C3orf70: variants seen among roughly 807,000 people sequenced by gnomAD.
The protein encoded by C3orf70 is UPF0524 protein C3orf70.
C3orf70 carries 15 observed loss-of-function variants against 20.7 expected under a neutral mutation model. The ratio of observed to expected loss-of-function variants is 0.72; its 90% CI spans 0.48 to 1.11. C3orf70 has a LOEUF of 1.11. C3orf70 is among the 50% of genes most tolerant of loss of function. C3orf70 has a pLI of 0.00. For synonymous variants in C3orf70, 161 were observed against 125.7 expected, an observed-to-expected ratio of 1.28 and a Z score of -1.88; for missense variants, 332 against 317.6, an observed-to-expected ratio of 1.05 and a Z score of -0.34.
At chr3:185,139,649 C>T (rs1165624347) in intron 1 of C3orf70, among the ~76,000 whole-genome samples, 1 of 151,604 alleles carries the variant, frequency 6.6e-6, no homozygotes, top group Non-Finnish European at 1.5e-5. Flanking sequence ...GACATGAAGA[C>T]CAGAGGGACA....
In C3orf70 at chr3:185,104,385, A is replaced by T. The variant is rs535706140; in HGVS notation, c.197-20822T>A. On this transcript the variant is annotated intron_variant, in intron 1 of 1. Coordinates refer to ENST00000335012, the MANE Select transcript of C3orf70 (RefSeq NM_001025266.3). Reference sequence around the variant, plus strand: ...TTATACACTGTTGGTGGGAGTGTAAATTAGTTCAATCATTGTGGAAAACTG... The same window carrying T: ...TTATACACTGTTGGTGGGAGTGTAATTTAGTTCAATCATTGTGGAAAACTG... Among the ~76,000 whole-genome samples the T allele has an allele frequency of 5.3e-5, 8 of 152,350 alleles. No homozygotes were observed. In the South Asian group the frequency reaches 1.4e-3, roughly 28 times the overall value.
intron 1 of C3orf70, among the ~76,000 whole-genome samples, chr3:185,140,667 A>AG (rs937979523): frequency 4.0e-5 from 6 of 151,804 alleles, no homozygotes; most frequent in African/African-American, 4.8e-5. Context: ...AAAAGACGCC[A>AG]GGGCCAGGCG....
intron 1 of C3orf70, among the ~76,000 whole-genome samples, chr3:185,130,266 C>G (rs1160258392): frequency 6.6e-6 from 1 of 152,036 alleles, no homozygotes; most frequent in Non-Finnish European, 1.5e-5. Flanking sequence ...CTGGCTAACA[C>G]AGTGAAACCC....
intron 1 of C3orf70, among the ~76,000 whole-genome samples, chr3:185,126,385 A>C (rs1440406460): frequency 2.6e-5 from 4 of 152,198 alleles, no homozygotes; most frequent in Admixed American, 2.0e-4. Context: ...TGTCAGTCAC[A>C]GACTGAAGGA....
chr3:185,127,928 AT>A (rs1409696053), intron 1 of C3orf70, among the ~76,000 whole-genome samples: 1 of 152,174 alleles, frequency 6.6e-6, no homozygotes, highest in Non-Finnish European at 1.5e-5. Context: ...AACAGCTTCA[AT>A]TTTTTCATTA....
At chr3:185,103,523 T>C (rs1295666963) in intron 1 of C3orf70, among the ~76,000 whole-genome samples, 1 of 149,504 alleles carries the variant, frequency 6.7e-6, no homozygotes. Flanking sequence ...CATTAAAAAG[T>C]GGGCAAAAAA....
intron 1 of C3orf70, among the ~76,000 whole-genome samples, chr3:185,145,755 TAGTAAC>T (rs1181153867): frequency 6.6e-6 from 1 of 152,216 alleles, no homozygotes; most frequent in Non-Finnish European, 1.5e-5. Flanking sequence ...AAAATGAAGA[TAGTAAC>T]AGTACCTACT....
At chr3:185,088,340 T>C (rs73885672) in intron 1 of C3orf70, among the ~76,000 whole-genome samples, 3,685 of 152,250 alleles carry the variant, frequency 0.024, 124 homozygotes, top group African/African-American at 0.083. Context: ...AAAAGGGGTG[T>C]GGCTACATAA....
In C3orf70 at chr3:185,083,023, A is replaced by G. The variant is rs1326730299; in HGVS notation, c.737T>C (p.Ile246Thr). 1.2e-6 allele frequency: 2 copies of G among 1,613,292 alleles called. No individual in the cohort carries two copies. The highest frequency in any genetic ancestry group is 1.7e-6 in the Non-Finnish European group (2 of 1,179,588). The change falls in exon 2 of 2, where the codon ATA becomes ACA. Residue 246 changes from isoleucine to threonine, a missense_variant. Ile to Thr is a moderately conservative substitution (Grantham distance 89). Transcript: ENST00000335012. ...SQSDLEVIETIETTV is the reference protein window; with the variant it reads ...SQSDLEVIETTETTV ...TCTGGACTCTCACACAGTCGTTTCT[A>G]TCGTTTCAATCACTTCCAGGTCAGA...
chr3:185,125,690 C>T (rs1346716042), intron 1 of C3orf70, among the ~76,000 whole-genome samples: 4 of 152,088 alleles, frequency 2.6e-5, no homozygotes, highest in Non-Finnish European at 1.5e-5. Flanking sequence ...CTGATATACT[C>T]GACAGCAGGG....
At chr3:185,100,749 G>C (rs1480058950) in intron 1 of C3orf70, among the ~76,000 whole-genome samples, 1 of 151,080 alleles carries the variant, frequency 6.6e-6, no homozygotes, top group Non-Finnish European at 1.5e-5. Flanking sequence ...AATGGGTCCT[G>C]GAGTTGGTTT....
intron 1 of C3orf70, among the ~76,000 whole-genome samples, chr3:185,091,945 ATATATATATATATATATATTTTTTT>A (rs1561330913): frequency 0.05 from 342 of 6,906 alleles, 28 homozygotes; most frequent in Admixed American, 0.08. Flanking sequence ...ATATATATAT[ATATATATATATATATATATTTTTTT>A]TTTTTTTTAG....
intron 1 of C3orf70, among the ~76,000 whole-genome samples, chr3:185,150,762 A>T (rs1167595480): frequency 6.6e-6 from 1 of 152,196 alleles, no homozygotes; most frequent in African/African-American, 2.4e-5. Flanking sequence ...TCTTCAAAGG[A>T]TCAAAACCAC....
intron 1 of C3orf70, among the ~76,000 whole-genome samples, chr3:185,098,143 C>T (rs73885688): frequency 0.015 from 2,283 of 152,252 alleles, 52 homozygotes; most frequent in African/African-American, 0.046. Context: ...CTGCCAGAGA[C>T]GCCAGCCCCA....
chr3:185,086,808 A>C (rs1167497563), intron 1 of C3orf70, among the ~76,000 whole-genome samples: 1 of 152,206 alleles, frequency 6.6e-6, no homozygotes, highest in African/African-American at 2.4e-5. Flanking sequence ...AAAGAAAGAG[A>C]GGAGGAAAAT....
Position 185,083,390 on chromosome 3 carries a change from A to C in C3orf70, c.370T>G (p.Cys124Gly), listed in dbSNP as rs1044877435. Residue 124 changes from cysteine (C) to glycine (G), a missense_variant, in exon 2 of 2, where the codon TGT (cysteine) becomes GGT (glycine). Transcript: ENST00000335012. ...PPLPPDSPRY[C>G]MISDLFIDNY... ...TCAATAAAAAGGTCTGAAATCATAC[A>C]GTACCTCGGTGAGTCAGGGGGAAGG... is the stretch of plus-strand genomic sequence containing the variant. 4 of 1,614,164 alleles carry C rather than the reference A, an allele frequency of 2.5e-6. No homozygotes were observed. The highest frequency in any genetic ancestry group is 3.4e-6 in the Non-Finnish European group (4 of 1,180,042).
At chr3:185,137,194 CGTT>C (rs1026476020) in intron 1 of C3orf70, among the ~76,000 whole-genome samples, 110 of 152,280 alleles carry the variant, frequency 7.2e-4, no homozygotes, top group African/African-American at 2.6e-3. Context: ...GCGCTCCTCT[CGTT>C]GTCCACCGCC....
intron 1 of C3orf70, among the ~76,000 whole-genome samples, chr3:185,091,344 CTGAGGAAGA>C (rs1715566165): frequency 6.6e-6 from 1 of 152,060 alleles, no homozygotes; most frequent in Non-Finnish European, 1.5e-5. Flanking sequence ...GATAAAGTTT[CTGAGGAAGA>C]CTGAGGCTGG....
At chr3:185,148,804 G>A (rs1353254550) in intron 1 of C3orf70, among the ~76,000 whole-genome samples, 1 of 152,166 alleles carries the variant, frequency 6.6e-6, no homozygotes, top group African/African-American at 2.4e-5. Context: ...CCTCAAAAAT[G>A]CGCCATTACC....
Sources: gnomAD v4.1 joint callset for allele counts (sites outside exome capture counted in the v4.1 genomes callset) on GRCh38, gnomAD v4.1.1 for gene constraint, MANE v1.5 for transcripts, NCBI Gene and HGNC (gene_info 2026-07-23, HGNC 2026-07-21) for gene names.